The following FABP7 variants were observed in gnomAD, a reference collection of about 807,000 sequenced individuals.
The protein encoded by FABP7 is fatty acid binding protein 7.
In FABP7, 13 loss-of-function variants were observed where a neutral mutation model predicts 14.2. That is an observed-to-expected ratio of 0.91 (90% CI 0.59 to 1.45). FABP7 has a LOEUF of 1.45. Ranked by LOEUF, FABP7 falls within the 40% of genes most tolerant of loss-of-function variation. FABP7 has a pLI of 0.00. For missense variants in FABP7, 149 were observed against 157.6 expected, an observed-to-expected ratio of 0.95 and a Z score of 0.29; for synonymous variants, 49 against 51.4, an observed-to-expected ratio of 0.95 and a Z score of 0.20.
the FABP7 span, among the ~76,000 whole-genome samples, chr6:122,759,151 C>G: frequency 2.2e-3 from 333 of 152,274 alleles, 2 homozygotes; most frequent in African/African-American, 7.7e-3. Context: ...CTTATGAAGC[C>G]TTTCCTTTTT....
upstream of FABP7, among the ~76,000 whole-genome samples, chr6:122,777,244 A>G (rs1179653639): frequency 1.3e-5 from 2 of 152,248 alleles, no homozygotes; most frequent in South Asian, 2.1e-4. Flanking sequence ...AACATATAGC[A>G]ATAATTTGTA....
At chr6:122,773,346 G>A in the FABP7 span, among the ~76,000 whole-genome samples, 1 of 152,156 alleles carries the variant, frequency 6.6e-6, no homozygotes, top group African/African-American at 2.4e-5. Context: ...AAAATCCACT[G>A]CTGCGCACTC....
the FABP7 span, among the ~76,000 whole-genome samples, chr6:122,753,748 G>C: frequency 6.6e-6 from 1 of 151,426 alleles, no homozygotes; most frequent in Non-Finnish European, 1.5e-5. Context: ...AGCAGCTTAA[G>C]GGCCTGGATA....
upstream of FABP7, among the ~76,000 whole-genome samples, chr6:122,778,705 C>T (rs1021193564): frequency 6.6e-6 from 1 of 152,138 alleles, no homozygotes; most frequent in African/African-American, 2.4e-5. Context: ...CTTGGGGAAC[C>T]CTGAGCCAGG....
the FABP7 span, among the ~76,000 whole-genome samples, chr6:122,765,338 C>T: frequency 6.6e-6 from 1 of 152,026 alleles, no homozygotes; most frequent in Non-Finnish European, 1.5e-5. Context: ...TTAACCAAAT[C>T]AGCTGGCATG....
the FABP7 span, among the ~76,000 whole-genome samples, chr6:122,760,319 G>T: frequency 6.6e-6 from 1 of 152,068 alleles, no homozygotes; most frequent in Admixed American, 6.6e-5. Context: ...CCCCAGTGAG[G>T]TTCATTGTCC....
Position 122,781,142 on chromosome 6 carries a change from A to T in FABP7, c.296A>T (p.Asp99Val). ...AAACTTGTTCACATACAGAAATGGG[A>T]TGGCAAAGAAACAAATTTTGTAAGA... is the stretch of plus-strand genomic sequence containing the variant. ...GDKLVHIQKW[D>V]GKETNFVREI... Residue 99 changes from aspartate to valine, a missense_variant, in exon 3 of 4, where the codon GAT (aspartate) becomes GTT (valine). Transcript: ENST00000368444. 6.2e-7 allele frequency: 1 copy of T among 1,614,006 alleles called. No individual in the cohort carries two copies.
chr6:122,751,070 GAATA>G, the FABP7 span, among the ~76,000 whole-genome samples: 1 of 152,024 alleles, frequency 6.6e-6, no homozygotes, highest in Non-Finnish European at 1.5e-5. Context: ...TATGTATTAT[GAATA>G]AATAAATATG....
At chr6:122,757,356 T>C in the FABP7 span, among the ~76,000 whole-genome samples, 1 of 152,092 alleles carries the variant, frequency 6.6e-6, no homozygotes, top group African/African-American at 2.4e-5. Flanking sequence ...CAGCATCAGA[T>C]GCACTGGGGC....
At chr6:122,774,359 C>CAAAAAAAAAAAA in the FABP7 span, among the ~76,000 whole-genome samples, 1 of 66,622 alleles carries the variant, frequency 1.5e-5, no homozygotes, top group African/African-American at 6.9e-5. Flanking sequence ...TAGACTCTGT[C>CAAAAAAAAAAAA]AAAAAAAAAA....
At chr6:122,772,266 CA>C in the FABP7 span, among the ~76,000 whole-genome samples, 2 of 151,866 alleles carry the variant, frequency 1.3e-5, no homozygotes, top group Non-Finnish European at 2.9e-5. Flanking sequence ...CCAAAATATG[CA>C]AAAAGTTCTC....
chr6:122,769,726 C>G, the FABP7 span, among the ~76,000 whole-genome samples: 1 of 151,986 alleles, frequency 6.6e-6, no homozygotes, highest in Non-Finnish European at 1.5e-5. Context: ...ATGGAGACTT[C>G]TCTGTTAACA....
the FABP7 span, among the ~76,000 whole-genome samples, chr6:122,769,320 T>C: frequency 6.6e-6 from 1 of 152,158 alleles, no homozygotes; most frequent in African/African-American, 2.4e-5. Context: ...GCAGCACTCC[T>C]CAAGACTCAA....
rs747226722 is a variant in FABP7 at position 122,780,392 on chromosome 6, A to G, written c.175A>G (p.Lys59Glu). 6.2e-7 allele frequency: 1 copy of G among 1,614,150 alleles called. No homozygotes were observed. The highest frequency in any genetic ancestry group is 8.5e-7 in the Non-Finnish European group (1 of 1,180,026). The change falls in exon 2 of 4, where the codon AAG (lysine) becomes GAG (glutamate). Residue 59 changes from lysine to glutamate, a missense_variant. Transcript: ENST00000368444. ...GGTCATCAGGACTCTCAGCACATTCAAGAACACGGAGATTAGTTTCCAGCT... is the reference window on the plus strand; with the variant it reads ...GGTCATCAGGACTCTCAGCACATTCGAGAACACGGAGATTAGTTTCCAGCT... Reference protein sequence around the residue: ...KVVIRTLSTFKNTEISFQLGE... With the variant: ...KVVIRTLSTFENTEISFQLGE...
intron 2 of FABP7, among the ~76,000 whole-genome samples, chr6:122,780,758 TTTTG>T (rs1461548800): frequency 7.2e-5 from 11 of 152,230 alleles, no homozygotes; most frequent in Non-Finnish European, 1.6e-4. Flanking sequence ...AGAGATTGCA[TTTTG>T]TTTAATTCCC....
At chr6:122,780,618 A>G in intron 2 of FABP7, 155 bp downstream of exon 2, 1 of 790,428 alleles carries the variant, frequency 1.3e-6, no homozygotes, top group Non-Finnish European at 2.0e-6. Context: ...TAATGTGCAT[A>G]TGTTATATTT....
chr6:122,781,740 C>CCCTT, intron 3 of FABP7: 2 of 739,880 alleles, frequency 2.7e-6, no homozygotes, highest in Non-Finnish European at 3.2e-6. Flanking sequence ...AGTGATAACC[C>CCCTT]TTTTTTTTTT....
the FABP7 span, among the ~76,000 whole-genome samples, chr6:122,758,351 G>A: frequency 3.9e-5 from 6 of 152,066 alleles, no homozygotes; most frequent in South Asian, 4.2e-4. Flanking sequence ...CAGATGATCC[G>A]CCCACCTTGG....
chr6:122,781,518 A>C, intron 3 of FABP7: 1 of 1,334,972 alleles, frequency 7.5e-7, no homozygotes, highest in Non-Finnish European at 9.6e-7. Context: ...CTCTCAAATA[A>C]AATTTAATAT....
Sources: allele counts gnomAD v4.1 joint callset (sites outside exome capture counted in the v4.1 genomes callset), GRCh38; gene constraint gnomAD v4.1.1; transcripts MANE v1.5; gene names NCBI Gene and HGNC (gene_info 2026-07-23, HGNC 2026-07-21).